Variants in KSR2 observed in about 807,000 individuals in gnomAD.
The protein encoded by KSR2 is kinase suppressor of ras 2.
In KSR2, 25 loss-of-function variants were observed where a neutral mutation model predicts 107.8. The observed-to-expected ratio is 0.23, with a 90% confidence interval of 0.17 to 0.32. The LOEUF is 0.32. Ranked by LOEUF, KSR2 falls within the 10% of genes least tolerant of loss-of-function variation. KSR2 has a pLI of 1.00. For synonymous variants in KSR2, 480 were observed against 507.0 expected (o/e 0.95, Z 0.71); for missense variants, 887 against 1,268.9 (o/e 0.70, Z 4.57).
intron 4 of KSR2, among the ~76,000 whole-genome samples, chr12:117,669,851 T>C (rs181237574): frequency 1.6e-3 from 242 of 152,006 alleles, no homozygotes; most frequent in African/African-American, 5.5e-3. Flanking sequence ...CTGGGTGACA[T>C]AGTGAGACCC....
At chr12:117,527,144 G>T (rs1297623149) in intron 12 of KSR2, 25 bp from the exon 13 acceptor site, 32 of 1,580,840 alleles carry the variant, frequency 2.0e-5, no homozygotes, top group Non-Finnish European at 2.8e-5. Context: ...AAATAAACGT[G>T]ATCCCTAGGT....
rs917826823 is a variant in KSR2, at chr12:117,551,654, GA to G, written c.1518+3514del. On this transcript the variant is annotated intron_variant, in intron 9 of 19. Transcript: ENST00000339824. Reference sequence around the variant, plus strand: ...GACAGGAGACAAGACAAAGAGCAGTGAAAAAAAAAATCTTCAGACCAAATTG... The same window carrying G: ...GACAGGAGACAAGACAAAGAGCAGTGAAAAAAAAATCTTCAGACCAAATTG... 1.3e-4 allele frequency among the ~76,000 whole-genome samples: 19 copies of G among 149,672 alleles called. No individual in the cohort carries two copies. In the East Asian group the frequency reaches 1.6e-3, roughly 12 times the overall value.
chr12:117,757,179 A>C (rs1026440893), intron 4 of KSR2, among the ~76,000 whole-genome samples: 1 of 152,234 alleles, frequency 6.6e-6, no homozygotes, highest in African/African-American at 2.4e-5. Context: ...AGTTGATTCC[A>C]ACCCTCATGG....
In KSR2 at chr12:117,603,356, C is replaced by T. The variant is rs150279739; in HGVS notation, c.1172-20997G>A. Among the ~76,000 whole-genome samples the T allele has an allele frequency of 5.2e-4, 79 of 152,304 alleles. 1 individual carries two copies. The East Asian group carries it at 0.014, about 27-fold the overall frequency. ...CTAATTGCTACAAGTCTAACTGAAA[C>T]CAAGATTACAGTAGCCCTATGCACA... is the stretch of plus-strand genomic sequence containing the variant. On this transcript the variant is annotated intron_variant, in intron 5 of 19. Transcript: ENST00000339824.
At chr12:117,784,410 C>T (rs995198804) in intron 3 of KSR2, among the ~76,000 whole-genome samples, 2 of 152,220 alleles carry the variant, frequency 1.3e-5, no homozygotes, top group African/African-American at 4.8e-5. Flanking sequence ...GAGGCCTCCC[C>T]AGCCACGTGG....
intron 5 of KSR2, among the ~76,000 whole-genome samples, chr12:117,625,735 A>T (rs1325361958): frequency 2.0e-5 from 3 of 152,040 alleles, no homozygotes; most frequent in Non-Finnish European, 4.4e-5. Context: ...GTTAGGGAGG[A>T]TTCCCTCTTT....
chr12:117,615,959 C>T (rs1352878094), intron 5 of KSR2, among the ~76,000 whole-genome samples: 1 of 151,952 alleles, frequency 6.6e-6, no homozygotes, highest in African/African-American at 2.4e-5. Flanking sequence ...TCGAGACCAC[C>T]CTGGGCAATA....
intron 5 of KSR2, among the ~76,000 whole-genome samples, chr12:117,583,697 C>T (rs919128140): frequency 1.3e-5 from 2 of 152,142 alleles, no homozygotes; most frequent in Non-Finnish European, 2.9e-5. Flanking sequence ...CGCCCTACTG[C>T]CCATTGCCCA....
chr12:117,643,345 G>A (rs1464534312), intron 5 of KSR2, among the ~76,000 whole-genome samples: 2 of 152,140 alleles, frequency 1.3e-5, no homozygotes, highest in African/African-American at 4.8e-5. Context: ...TACTCGGGAG[G>A]GTGAGACAGG....
intron 4 of KSR2, among the ~76,000 whole-genome samples, chr12:117,711,667 A>G (rs1398781440): frequency 1.3e-5 from 2 of 152,252 alleles, no homozygotes; most frequent in African/African-American, 4.8e-5. Flanking sequence ...TATACAGGCC[A>G]GAAACTCTGA....
chr12:117,820,480 T>C (rs892920430), intron 3 of KSR2, among the ~76,000 whole-genome samples: 65 of 152,208 alleles, frequency 4.3e-4, no homozygotes, highest in African/African-American at 1.5e-3. Flanking sequence ...TTTAAGCATG[T>C]AATAAATACA....
intron 3 of KSR2, among the ~76,000 whole-genome samples, chr12:117,801,972 C>T (rs1043957264): frequency 1.3e-5 from 2 of 151,912 alleles, no homozygotes; most frequent in African/African-American, 4.8e-5. Flanking sequence ...ATGGAAGGGG[C>T]GTGGGATACA....
intron 4 of KSR2, among the ~76,000 whole-genome samples, chr12:117,759,396 A>G (rs1163369089): frequency 1.3e-5 from 2 of 152,220 alleles, no homozygotes; most frequent in Non-Finnish European, 2.9e-5. Flanking sequence ...TGCAAAGCCT[A>G]AAGTATTTAC....
intron 3 of KSR2, among the ~76,000 whole-genome samples, chr12:117,813,473 A>G (rs190287626): frequency 4.7e-3 from 712 of 152,338 alleles, no homozygotes; most frequent in Non-Finnish European, 7.4e-3. Flanking sequence ...AAAATGGGCA[A>G]AAGACCTAGA....
At chr12:117,841,319 A>G (rs974310221) in intron 3 of KSR2, among the ~76,000 whole-genome samples, 3 of 152,082 alleles carry the variant, frequency 2.0e-5, no homozygotes, top group African/African-American at 7.2e-5. Flanking sequence ...AAACATAATC[A>G]TGCGCCCACA....
chr12:117,804,687 TG>T (rs1890954680), intron 3 of KSR2, among the ~76,000 whole-genome samples: 1 of 152,188 alleles, frequency 6.6e-6, no homozygotes, highest in South Asian at 2.1e-4. Flanking sequence ...TAATAAGCGT[TG>T]TGTTTCCTGC....
chr12:117,891,403 C>T (rs981937773), intron 1 of KSR2, among the ~76,000 whole-genome samples: 2 of 146,514 alleles, frequency 1.4e-5, no homozygotes, highest in East Asian at 2.1e-4. Flanking sequence ...ACAACAAGAG[C>T]GAGACTCCAT....
At chr12:117,919,884 T>C (rs969234442) in intron 1 of KSR2, among the ~76,000 whole-genome samples, 2 of 152,242 alleles carry the variant, frequency 1.3e-5, no homozygotes, top group African/African-American at 4.8e-5. Context: ...TTTGTTATGT[T>C]AAGCCACTGA....
rs55772468 is a variant in KSR2, at chr12:117,686,215, A to ATTTTTTTTTTTTTT, written c.987-18571_987-18558dup. On this transcript the variant is annotated intron_variant, in intron 4 of 19. Coordinates refer to ENST00000339824, the MANE Select transcript of KSR2 (RefSeq NM_173598.6). ...AGGCACACACCACCACACCCAGCTA[A>ATTTTTTTTTTTTTT]TTTTTTTTTTTTTTTTTTTTTTTTT... Among the ~76,000 whole-genome samples, 5 of 78,042 alleles carry ATTTTTTTTTTTTTT rather than the reference A, an allele frequency of 6.4e-5. 1 individual carries two copies. The highest frequency in any genetic ancestry group is 3.4e-4 in the African/African-American group (5 of 14,680). The allele number at this position is 78,042 out of a possible 152,430, so 51.2% of individuals were successfully genotyped here. A position where few individuals can be genotyped will look rare whatever the true frequency, so the allele number is the denominator to read the frequency against.
Sources: gnomAD v4.1 joint callset for allele counts (sites outside exome capture counted in the v4.1 genomes callset) on GRCh38, gnomAD v4.1.1 for gene constraint, MANE v1.5 for transcripts, NCBI Gene and HGNC (gene_info 2026-07-23, HGNC 2026-07-21) for gene names.